Variants in CNTD1 observed in about 807,000 individuals in gnomAD.
CNTD1 encodes the protein cyclin N-terminal domain containing 1.
Under a neutral mutation model 36.3 loss-of-function variants are expected in CNTD1, and 17 were observed. The ratio of observed to expected loss-of-function variants is 0.47; its 90% CI spans 0.32 to 0.70. The LOEUF (loss-of-function observed/expected upper bound fraction) is 0.70. CNTD1 is among the 30% of genes least tolerant of loss of function. The pLI is 0.03. For synonymous variants in CNTD1, 128 were observed against 153.3 expected (o/e 0.83, Z 1.22); for missense variants, 338 against 386.1 (o/e 0.88, Z 1.04).
At chr17:42,803,791 G>A (rs2054833342) in intron 2 of CNTD1, 96 bp downstream of exon 2, 6 of 913,130 alleles carry the variant, frequency 6.6e-6, no homozygotes, top group Non-Finnish European at 1.0e-5. Context: ...CCCTTACCCT[G>A]AGACCTGGTT....
intron 3 of CNTD1, 30 bp from the exon 4 acceptor site, chr17:42,805,692 T>C: frequency 6.3e-7 from 1 of 1,580,622 alleles, no homozygotes; most frequent in Non-Finnish European, 8.6e-7. Flanking sequence ...TATCCTAACA[T>C]TCTTCTTTCC....
Position 42,801,186 on chromosome 17 carries a change from CAAA to C in CNTD1, c.169+1962_169+1964del, listed in dbSNP as rs1185539964. 3.3e-3 allele frequency among the ~76,000 whole-genome samples: 245 copies of C among 74,178 alleles called. 3 individuals are homozygous for C. The highest frequency in any genetic ancestry group is 0.011 in the African/African-American group (241 of 21,356). The allele number at this position is 74,178 out of a possible 152,430, so 48.7% of individuals were successfully genotyped here. ...GGCCACAGAGCAAGACTCTGTCTCC[CAAA>C]AAAAAAAAAAACAACAACAAAAAAA... On this transcript the variant is annotated intron_variant, in intron 1 of 6. Transcript: ENST00000588408.
chr17:42,809,450 G>C lies in CNTD1; in HGVS notation c.908G>C (p.Gly303Ala), dbSNP rs149803603. 5.0e-5 allele frequency: 81 copies of C among 1,613,902 alleles called. No individual in the cohort carries two copies. Among genetic ancestry groups the C allele is most frequent in the Admixed American group, 1.3e-4 (8 of 60,020 alleles). The change falls in exon 7 of 7, where the codon GGA becomes GCA. Residue 303 changes from glycine to alanine, a missense_variant. Coordinates refer to ENST00000588408, the MANE Select transcript of CNTD1 (RefSeq NM_173478.3). ...TATGCAATCCTGACTCACGGAGTGG[G>C]AGCCAACACTCCGGGGAGACAGCAG... Reference protein sequence around the residue: ...FSYAILTHGVGANTPGRQQSI... With the variant: ...FSYAILTHGVAANTPGRQQSI...
chr17:42,806,622 T>A (rs368078842), intron 4 of CNTD1, 52 bp from the exon 5 acceptor site: 11 of 1,578,292 alleles, frequency 7.0e-6, no homozygotes, highest in South Asian at 5.6e-5. Flanking sequence ...GTGGTTATGA[T>A]CAGAGAAGAC....
chr17:42,808,713 G>A (rs576678598), intron 6 of CNTD1, among the ~76,000 whole-genome samples: 35 of 147,770 alleles, frequency 2.4e-4, no homozygotes, highest in Non-Finnish European at 3.3e-4. Context: ...TAGCCTGGGC[G>A]ACAGAGTGAA....
rs1254898842 is a variant in CNTD1 at position 42,809,669 on chromosome 17, A to T, written c.*134A>T. The T allele has an allele frequency of 3.9e-6, 3 of 776,966 alleles. No homozygotes were observed. In the African/African-American group the frequency reaches 5.3e-5, roughly 14 times the overall value. 48.1% of individuals were successfully genotyped at this position (776,966 alleles called of 1,614,324 possible). The stretch of plus-strand genomic sequence containing the variant: ...TATTTTGTATGCCAATTTCATGCTT[A>T]TTTTTCCTTTATCAGAGAGAGTTAA... On this transcript the variant is annotated 3_prime_UTR_variant, in exon 7 of 7. Coordinates refer to ENST00000588408, the MANE Select transcript of CNTD1 (RefSeq NM_173478.3).
Position 42,807,768 on chromosome 17 carries a change from G to C in CNTD1, c.726G>C (p.Gly242=), listed in dbSNP as rs1474385100. The change falls in exon 6 of 7, where the codon GGG becomes GGC. Residue 242 remains glycine (G), a splice_region_variant and synonymous_variant. Coordinates refer to ENST00000588408, the MANE Select transcript of CNTD1 (RefSeq NM_173478.3). Reference sequence around the variant, plus strand: ...AATTAATGTGGTTTTAATCACTCAGGGAAAAGTTTACTTCAGTGAAGGAAG... The same window carrying C: ...AATTAATGTGGTTTTAATCACTCAGCGAAAAGTTTACTTCAGTGAAGGAAG... ...IENSTPSQLQ[G]EKFTSVKEDF... is the part of the protein sequence containing the mutation. 6.2e-7 allele frequency: 1 copy of C among 1,610,416 alleles called. No individual in the cohort carries two copies. Among genetic ancestry groups the C allele is most frequent in the South Asian group, 1.1e-5 (1 of 90,966 alleles).
At position 42,809,697 on chromosome 17, in the gene CNTD1, T is replaced by C; in HGVS notation, c.*162T>C. 2 of 606,820 alleles carry C rather than the reference T, an allele frequency of 3.3e-6. No individual in the cohort carries two copies. The highest frequency in any genetic ancestry group is 2.8e-6 in the Non-Finnish European group (1 of 361,454). 37.6% of individuals were successfully genotyped at this position (606,820 alleles called of 1,614,324 possible). On this transcript the variant is annotated 3_prime_UTR_variant, in exon 7 of 7. Coordinates refer to ENST00000588408, the MANE Select transcript of CNTD1 (RefSeq NM_173478.3). ...TTTCCTTTATCAGAGAGAGTTAAGG[T>C]GGACGAGCATGCCCTTTTTGTCATA...
chr17:42,811,236 G>T lies in CNTD1; in HGVS notation c.*1701G>T, dbSNP rs559664450. 9.6e-6 allele frequency: 3 copies of T among 314,010 alleles called. No individual in the cohort carries two copies. The highest frequency in any genetic ancestry group is 1.7e-5 in the Non-Finnish European group (3 of 173,920). 19.5% of individuals were successfully genotyped at this position (314,010 alleles called of 1,614,324 possible). On this transcript the variant is annotated 3_prime_UTR_variant, in exon 7 of 7. Transcript: ENST00000588408. ...AGGCATCCCTGAACTTGGCGGGGGA[G>T]AAAGGAGGCAGAAGAAAAGAAATGC...
chr17:42,809,463 G>T lies in CNTD1; in HGVS notation c.921G>T (p.Pro307=). The part of the protein sequence containing the change: ...ILTHGVGANT[P]GRQQSIPPHL... The stretch of plus-strand genomic sequence containing the variant: ...CTCACGGAGTGGGAGCCAACACTCC[G>T]GGGAGACAGCAGTCTATTCCTCCCC... Residue 307 remains proline, a synonymous_variant, in exon 7 of 7, where the codon CCG becomes CCT. Transcript: ENST00000588408. The T allele has an allele frequency of 1.2e-6, 2 of 1,614,114 alleles. No individual in the cohort carries two copies. The highest frequency in any genetic ancestry group is 1.7e-6 in the Non-Finnish European group (2 of 1,180,002).
At chr17:42,808,009 A>C in intron 6 of CNTD1, 145 bp downstream of exon 6, 1 of 597,494 alleles carries the variant, frequency 1.7e-6, no homozygotes, top group South Asian at 2.2e-5. Context: ...GAGAGGGAAA[A>C]ATCTAGGATA....
chr17:42,801,202 AAC>A (rs1432988446), intron 1 of CNTD1, among the ~76,000 whole-genome samples: 40 of 147,218 alleles, frequency 2.7e-4, no homozygotes, highest in African/African-American at 1.0e-3. Flanking sequence ...AAAAAAAAAC[AAC>A]AACAAAAAAA....
chr17:42,801,552 ATGTGTGTGTGTGTG>A (rs144472008), intron 1 of CNTD1, among the ~76,000 whole-genome samples: 1 of 80,108 alleles, frequency 1.2e-5, no homozygotes, highest in Non-Finnish European at 2.4e-5. Context: ...TATATAATAT[ATGTGTGTGTGTGTG>A]TGTGTGTGTG....
At position 42,806,902 on chromosome 17, in the gene CNTD1, C is replaced by T. The variant is rs201504460; in HGVS notation, c.725+84C>T. 83 of 1,326,074 alleles carry T rather than the reference C, an allele frequency of 6.3e-5. No individual in the cohort carries two copies. The East Asian group carries it at 1.9e-3, about 30-fold the overall frequency. 82.1% of individuals were successfully genotyped at this position (1,326,074 alleles called of 1,614,324 possible). A position where few individuals can be genotyped will look rare whatever the true frequency, so the allele number is the denominator to read the frequency against. On this transcript the variant is annotated intron_variant, in intron 5 of 6. Coordinates refer to ENST00000588408, the MANE Select transcript of CNTD1 (RefSeq NM_173478.3). ...CAAGAACTTGGGGAATGGAATTAGC[C>T]TAGCATGGCATCCAGTCCCAGATAA...
At chr17:42,803,926 C>T (rs1172082030) in intron 2 of CNTD1, among the ~76,000 whole-genome samples, 1 of 152,170 alleles carries the variant, frequency 6.6e-6, no homozygotes, top group African/African-American at 2.4e-5. Flanking sequence ...GCCTTGACCT[C>T]CTGGGCTCAA....
intron 1 of CNTD1, among the ~76,000 whole-genome samples, chr17:42,801,776 G>A (rs1327431668): frequency 6.6e-6 from 1 of 151,828 alleles, no homozygotes; most frequent in Non-Finnish European, 1.5e-5. Flanking sequence ...GAAAAGAAAA[G>A]CAGGTCAAGG....
intron 1 of CNTD1, among the ~76,000 whole-genome samples, chr17:42,800,611 G>A (rs1014185046): frequency 6.6e-6 from 1 of 152,230 alleles, no homozygotes; most frequent in Non-Finnish European, 1.5e-5. Context: ...TAAGGGATAC[G>A]ATGGTAACCC....
In CNTD1 at chr17:42,798,983, G is replaced by T. The variant is rs2054723229; in HGVS notation, c.-85G>T. ...ATTGGAAGGGGACGAGGAATCCAGGGTGTGGCAGAAGACTGGAGAGGAGCT... is the reference window on the plus strand; with the variant it reads ...ATTGGAAGGGGACGAGGAATCCAGGTTGTGGCAGAAGACTGGAGAGGAGCT... On this transcript the variant is annotated 5_prime_UTR_variant, in exon 1 of 7. Transcript: ENST00000588408. 2 of 1,533,536 alleles carry T rather than the reference G, an allele frequency of 1.3e-6. No homozygotes were observed. Among genetic ancestry groups the T allele is most frequent in the Admixed American group, 2.2e-5 (1 of 46,370 alleles). The allele number at this position is 1,533,536 out of a possible 1,614,324, so 95.0% of individuals were successfully genotyped here.
chr17:42,806,594 C>G (rs2054882562), intron 4 of CNTD1, 80 bp from the exon 5 acceptor site: 1 of 1,445,534 alleles, frequency 6.9e-7, no homozygotes, highest in Non-Finnish European at 9.6e-7. Context: ...AGCACCTCAA[C>G]AGCTTTATGT....
Sources: allele counts gnomAD v4.1 joint callset (sites outside exome capture counted in the v4.1 genomes callset), GRCh38; gene constraint gnomAD v4.1.1; transcripts MANE v1.5; gene names NCBI Gene and HGNC (gene_info 2026-07-23, HGNC 2026-07-21).